Variants in GPX3 observed in about 807,000 individuals in gnomAD.
GPX3 encodes GPx-3.
GPX3 carries 22 observed loss-of-function variants against 25.1 expected under a neutral mutation model. The observed-to-expected ratio is 0.88, with a 90% CI of 0.63 to 1.25. GPX3 has a LOEUF of 1.25. Among genes scored for constraint, GPX3 ranks in the 50% most tolerant of loss-of-function variants. The pLI is 0.00. For missense variants in GPX3, 278 were observed against 286.6 expected, an observed-to-expected ratio of 0.97 and a Z score of 0.22; for synonymous variants, 110 against 114.5, an observed-to-expected ratio of 0.96 and a Z score of 0.25.
At chr5:151,022,297 A>T (rs1371109793) in intron 1 of GPX3, among the ~76,000 whole-genome samples, 1 of 152,236 alleles carries the variant, frequency 6.6e-6, no homozygotes, top group African/African-American at 2.4e-5. Context: ...CGTGGACTCC[A>T]TGAATAACTC....
At position 151,026,967 on chromosome 5, in the gene GPX3, A is replaced by G. The variant is rs1165533619; in HGVS notation, c.309A>G (p.Gln103=). Residue 103 remains glutamine (Q), a synonymous_variant, in exon 3 of 5, where the codon CAA becomes CAG. Transcript: ENST00000388825. Reference sequence around the variant, plus strand: ...TCATTCTGGGCTTTCCCTGCAACCAATTTGGAAAACAGGAACCAGGAGAGA... The same window carrying G: ...TCATTCTGGGCTTTCCCTGCAACCAGTTTGGAAAACAGGAACCAGGAGAGA... The part of the protein sequence containing the change: ...GLVILGFPCN[Q]FGKQEPGENS... The G allele has an allele frequency of 3.1e-6, 5 of 1,614,042 alleles. No individual in the cohort carries two copies. The highest frequency in any genetic ancestry group is 3.3e-5 in the Admixed American group (2 of 60,002).
At chr5:151,027,821 G>A (rs774294954) in intron 4 of GPX3, 88 bp from the exon 5 acceptor site, 1 of 1,124,726 alleles carries the variant, frequency 8.9e-7, no homozygotes, top group Non-Finnish European at 1.4e-6. Flanking sequence ...TCTTTTCTCA[G>A]GGCCAGGCTA....
chr5:151,021,084 C>T (rs1756469301), intron 1 of GPX3: 1 of 328,760 alleles, frequency 3.0e-6, no homozygotes, highest in African/African-American at 2.2e-5. Flanking sequence ...TGAGCTGCTC[C>T]CCTTCAGTAG....
In GPX3 at chr5:151,027,464, A is replaced by G. The variant is rs1007155425; in HGVS notation, c.392A>G (p.Asn131Ser). Reference protein sequence around the residue: ...YVRPGGGFVPNFQLFEKGDVN... With the variant: ...YVRPGGGFVPSFQLFEKGDVN... ...CGACCAGGTGGAGGCTTTGTCCCTA[A>G]TTTCCAGCTCTTTGAGAAAGGGGAT... Residue 131 changes from asparagine (N) to serine (S), a missense_variant, in exon 4 of 5, where the codon AAT (asparagine) becomes AGT (serine). Asn to Ser is a conservative substitution (Grantham distance 46). Coordinates refer to ENST00000388825, the MANE Select transcript of GPX3 (RefSeq NM_002084.5). 5 of 1,613,948 alleles carry G rather than the reference A, an allele frequency of 3.1e-6. No homozygotes were observed. The Admixed American group carries it at 8.3e-5, about 27-fold the overall frequency.
At chr5:151,022,466 C>T (rs1200680476) in intron 1 of GPX3, among the ~76,000 whole-genome samples, 1 of 152,198 alleles carries the variant, frequency 6.6e-6, no homozygotes, top group Non-Finnish European at 1.5e-5. Context: ...GCATGCCCAT[C>T]TCTGCTCCCA....
At chr5:151,023,338 A>G (rs1301970972) in intron 1 of GPX3, among the ~76,000 whole-genome samples, 1 of 151,592 alleles carries the variant, frequency 6.6e-6, no homozygotes, top group Admixed American at 6.6e-5. Context: ...GTTCCAAGAG[A>G]CTCCAGGCCT....
chr5:151,024,566 C>A (rs975993392), intron 1 of GPX3, among the ~76,000 whole-genome samples: 14 of 152,234 alleles, frequency 9.2e-5, no homozygotes, highest in Admixed American at 4.6e-4. Flanking sequence ...TCCCAGCCCA[C>A]AGTCCACTGC....
chr5:151,026,193 C>T (rs201083115), intron 2 of GPX3, among the ~76,000 whole-genome samples: 1 of 152,166 alleles, frequency 6.6e-6, no homozygotes, highest in Non-Finnish European at 1.5e-5. Flanking sequence ...CAAAGGCAAG[C>T]GACAGCACCC....
At chr5:151,021,258 G>A (rs888228641) in intron 1 of GPX3, 2 of 183,436 alleles carry the variant, frequency 1.1e-5, no homozygotes, top group African/African-American at 2.4e-5. Flanking sequence ...ATACAGGCAG[G>A]TAGAAATGGC....
chr5:151,020,645 C>T lies in GPX3; in HGVS notation c.-10C>T, dbSNP rs1361896722. On this transcript the variant is annotated 5_prime_UTR_variant, in exon 1 of 5. Transcript: ENST00000388825. The stretch of plus-strand genomic sequence containing the variant: ...GGCTCAGGCGACCCTGAGTGTGCCC[C>T]CACCCCGCCATGGCCCGGCTGCTGC... The T allele has an allele frequency of 5.6e-6, 9 of 1,603,844 alleles. No individual in the cohort carries two copies. The highest frequency in any genetic ancestry group is 7.6e-6 in the Non-Finnish European group (9 of 1,176,606).
At position 151,020,650 on chromosome 5, in the gene GPX3, C is replaced by T. The variant is rs767581865; in HGVS notation, c.-5C>T. ...AGGCGACCCTGAGTGTGCCCCCACC[C>T]CGCCATGGCCCGGCTGCTGCAGGCG... is the stretch of plus-strand genomic sequence containing the variant. On this transcript the variant is annotated 5_prime_UTR_variant, in exon 1 of 5. Coordinates refer to ENST00000388825, the MANE Select transcript of GPX3 (RefSeq NM_002084.5). 33 of 1,605,366 alleles carry T rather than the reference C, an allele frequency of 2.1e-5. No homozygotes were observed. The South Asian group carries it at 3.0e-4, about 15-fold the overall frequency.
chr5:151,025,800 T>C (rs1305639542), intron 2 of GPX3, among the ~76,000 whole-genome samples: 2 of 152,216 alleles, frequency 1.3e-5, no homozygotes, highest in Admixed American at 1.3e-4. Context: ...GAGCATGAGA[T>C]GGTAACTGAA....
chr5:151,020,595 G>C lies in GPX3; in HGVS notation c.-60G>C. On this transcript the variant is annotated 5_prime_UTR_variant, in exon 1 of 5. Transcript: ENST00000388825. Reference sequence around the variant, plus strand: ...GCTGGGAGCGCCGGACACCTCAGACGGACGGTGGCCAGGGATCAGGCAGCG... The same window carrying C: ...GCTGGGAGCGCCGGACACCTCAGACCGACGGTGGCCAGGGATCAGGCAGCG... The C allele has an allele frequency of 6.9e-7, 1 of 1,443,670 alleles. No homozygotes were observed. The highest frequency in any genetic ancestry group is 9.4e-7 in the Non-Finnish European group (1 of 1,060,958). The allele number at this position is 1,443,670 out of a possible 1,614,324, so 89.4% of individuals were successfully genotyped here.
chr5:151,025,323 T>C lies in GPX3; in HGVS notation c.88-17T>C, dbSNP rs1215053655. ...CCTTTCCAGCTCTAACTGCTCCTTT[T>C]ATGGCCTGTGTTCCAGATGGACTGC... On this transcript the variant is annotated splice_polypyrimidine_tract_variant and intron_variant, in intron 1 of 4. Transcript: ENST00000388825. The C allele has an allele frequency of 6.5e-7, 1 of 1,542,852 alleles. No individual in the cohort carries two copies.
chr5:151,024,926 T>A (rs918002350), intron 1 of GPX3, among the ~76,000 whole-genome samples: 3 of 152,138 alleles, frequency 2.0e-5, no homozygotes, highest in Non-Finnish European at 4.4e-5. Flanking sequence ...CCAGTCTCCA[T>A]CAGCCCGTCT....
chr5:151,024,652 A>G (rs915351965), intron 1 of GPX3, among the ~76,000 whole-genome samples: 1 of 152,194 alleles, frequency 6.6e-6, no homozygotes, highest in Non-Finnish European at 1.5e-5. Flanking sequence ...GGTCATCACC[A>G]GCCTGCTCAG....
chr5:151,026,928 A>C lies in GPX3; in HGVS notation c.270A>C (p.Ala90=), dbSNP rs768667979. 6.2e-7 allele frequency: 1 copy of C among 1,614,068 alleles called. No homozygotes were observed. The highest frequency in any genetic ancestry group is 1.1e-5 in the South Asian group (1 of 91,082). ...TGAATGCACTACAGGAAGAGCTTGC[A>C]CCATTCGGTCTGGTCATTCTGGGCT... ...IELNALQEEL[A]PFGLVILGFP... The change falls in exon 3 of 5, where the codon GCA becomes GCC. Residue 90 remains alanine, a synonymous_variant. Coordinates refer to ENST00000388825, the MANE Select transcript of GPX3 (RefSeq NM_002084.5).
chr5:151,025,400 G>A lies in GPX3; in HGVS notation c.148G>A (p.Gly50Arg), dbSNP rs764043839. The change falls in exon 2 of 5, where the codon GGG becomes AGG. Residue 50 changes from glycine to arginine, a missense_variant. Physicochemically the swap from Gly to Arg is moderately radical, Grantham distance 125 (BLOSUM62 -2). Transcript: ENST00000388825. ...IYEYGALTIDGEEYIPFKQYA... is the reference protein window; with the variant it reads ...IYEYGALTIDREEYIPFKQYA... ...CGAGTACGGAGCCCTCACCATTGAT[G>A]GGGAGGAGTACATCCCCTTCAAGCA... is the stretch of plus-strand genomic sequence containing the variant. 1.2e-6 allele frequency: 2 copies of A among 1,612,308 alleles called. No homozygotes were observed. The highest frequency in any genetic ancestry group is 1.7e-6 in the Non-Finnish European group (2 of 1,179,094).
chr5:151,028,235 T>TATCA lies in GPX3; in HGVS notation c.*106_*109dup, dbSNP rs1333130451. On this transcript the variant is annotated 3_prime_UTR_variant, in exon 5 of 5. Coordinates refer to ENST00000388825, the MANE Select transcript of GPX3 (RefSeq NM_002084.5). The stretch of plus-strand genomic sequence containing the variant: ...ATCTACCCATCACAGACCCCTTTCC[T>TATCA]ATCACTCAAGGCCCCAGCCTGGCAC... 9.7e-7 allele frequency: 1 copy of TATCA among 1,026,452 alleles called. No individual in the cohort carries two copies. Among genetic ancestry groups the TATCA allele is most frequent in the Non-Finnish European group, 1.5e-6 (1 of 683,766 alleles). The allele number at this position is 1,026,452 out of a possible 1,614,324, so 63.6% of individuals were successfully genotyped here.
Sources: gnomAD v4.1 joint callset for allele counts (sites outside exome capture counted in the v4.1 genomes callset) on GRCh38, gnomAD v4.1.1 for gene constraint, MANE v1.5 for transcripts, NCBI Gene and HGNC (gene_info 2026-07-23, HGNC 2026-07-21) for gene names.